PHACTR2: variants seen among roughly 807,000 people sequenced by gnomAD.
PHACTR2 encodes chromosome 6 open reading frame 56.
PHACTR2 carries 30 observed loss-of-function variants against 76.0 expected under a neutral mutation model. That is an observed-to-expected ratio of 0.39 (90% confidence interval 0.30 to 0.54). The LOEUF is 0.54. Among genes scored for constraint, PHACTR2 ranks in the 20% least tolerant of loss-of-function variants. PHACTR2 has a pLI of 0.61. For missense variants in PHACTR2, 696 were observed against 781.1 expected, an observed-to-expected ratio of 0.89 and a Z score of 1.30; for synonymous variants, 292 against 292.5, an observed-to-expected ratio of 1.00 and a Z score of 0.02.
At chr6:143,567,233 G>A (rs561704399) in intron 1 of PHACTR2, among the ~76,000 whole-genome samples, 1 of 152,158 alleles carries the variant, frequency 6.6e-6, no homozygotes, top group East Asian at 1.9e-4. Context: ...AAGTGTGTTT[G>A]GCTTTTGAAA....
chr6:143,621,778 C>T lies in PHACTR2; in HGVS notation c.13+13456C>T, dbSNP rs529807587. Among the ~76,000 whole-genome samples, 66 of 152,280 alleles carry T rather than the reference C, an allele frequency of 4.3e-4. No homozygotes were observed. The Middle Eastern group carries it at 0.014, about 31-fold the overall frequency. ...GTAACATAGATTCATTTTGCACCTA[C>T]GTGGACTTTAAATCTTTGCGAACAG... On this transcript the variant is annotated intron_variant, in intron 1 of 11. Transcript: ENST00000305766. This position sits in a 1 kb window ranked among gnomAD's most constrained non-coding sequence, Gnocchi z 4.1.
rs766958429 is a variant in PHACTR2 at position 143,755,612 on chromosome 6, C to G, written c.454+1700C>G. 3.5e-5 allele frequency: 10 copies of G among 285,086 alleles called. No individual in the cohort carries two copies. The highest frequency in any genetic ancestry group is 7.0e-5 in the Non-Finnish European group (10 of 143,432). The allele number at this position is 285,086 out of a possible 1,614,324, so 17.7% of individuals were successfully genotyped here. ...ATTAGTACATTCAATTCTTCCTTAT[C>G]TGATAAGGTCCAAGAGAGCCTGTTG... On this transcript the variant is annotated intron_variant, in intron 4 of 12. Transcript: ENST00000440869. The surrounding 1 kb of genome is among the most constrained non-coding windows in gnomAD (Gnocchi z 5.2).
chr6:143,786,782 G>A (rs573730083), intron 10 of PHACTR2, among the ~76,000 whole-genome samples: 1 of 152,064 alleles, frequency 6.6e-6, no homozygotes, highest in Non-Finnish European at 1.5e-5. Context: ...TCACTATCAC[G>A]AGAATAGCAT....
rs1777829384 is a variant in PHACTR2, at chr6:143,698,697, G to A, written c.47-13319G>A. On this transcript the variant is annotated intron_variant, in intron 1 of 12. Transcript: ENST00000440869. This position sits in a 1 kb window ranked among gnomAD's most constrained non-coding sequence, Gnocchi z 4.3. ...ACTGCAGGTCTACGTTTGGGTGGAT[G>A]GTTGTTTGACTAATGTCAGCCTCTC... Among the ~76,000 whole-genome samples, 1 of 152,214 alleles carries A rather than the reference G, an allele frequency of 6.6e-6. No individual in the cohort carries two copies. The highest frequency in any genetic ancestry group is 6.5e-5 in the Admixed American group (1 of 15,286).
At chr6:143,600,626 T>A (rs1562244913) in intron 1 of PHACTR2, among the ~76,000 whole-genome samples, 1 of 152,282 alleles carries the variant, frequency 6.6e-6, no homozygotes, top group African/African-American at 2.4e-5. Flanking sequence ...TGCAGCCATC[T>A]CCTGGAATTT....
At chr6:143,564,715 G>C (rs985572045) in intron 1 of PHACTR2, among the ~76,000 whole-genome samples, 1 of 152,126 alleles carries the variant, frequency 6.6e-6, no homozygotes, top group Non-Finnish European at 1.5e-5. Flanking sequence ...CTGGCTGATC[G>C]GACGGCAGTT....
At chr6:143,692,735 G>T (rs1216940738) in intron 1 of PHACTR2, among the ~76,000 whole-genome samples, 4 of 152,202 alleles carry the variant, frequency 2.6e-5, no homozygotes, top group Non-Finnish European at 1.5e-5. Context: ...AGTGGGCTGA[G>T]GTGGAGGTGA....
rs1339615048 is a variant in PHACTR2 at position 143,731,028 on chromosome 6, G to A, written c.215-17957G>A. Among the ~76,000 whole-genome samples the A allele has an allele frequency of 6.6e-6, 1 of 152,128 alleles. No individual in the cohort carries two copies. On this transcript the variant is annotated intron_variant, in intron 2 of 12. Transcript: ENST00000440869. This position sits in a 1 kb window ranked among gnomAD's most constrained non-coding sequence, Gnocchi z 4.9. ...CTTCAAAAGTGCTGAGATTACAGGC[G>A]TGAGCCACCACGTCCAGCCCAGTTG...
intron 1 of PHACTR2, among the ~76,000 whole-genome samples, chr6:143,669,660 T>G (rs1295482123): frequency 6.6e-6 from 1 of 152,190 alleles, no homozygotes; most frequent in Non-Finnish European, 1.5e-5. Context: ...CTTTGTTGGT[T>G]TAAAGTCTGT....
In PHACTR2 at chr6:143,698,792, A is replaced by G. The variant is rs1347938003; in HGVS notation, c.47-13224A>G. Reference sequence around the variant, plus strand: ...TGCTTACCATTGTAGCCCTTCCTCTATAATAGCTGCTCAGTTAATTGTGCA... The same window carrying G: ...TGCTTACCATTGTAGCCCTTCCTCTGTAATAGCTGCTCAGTTAATTGTGCA... On this transcript the variant is annotated intron_variant, in intron 1 of 12. Transcript: ENST00000440869. This position sits in a 1 kb window ranked among gnomAD's most constrained non-coding sequence, Gnocchi z 4.3. Among the ~76,000 whole-genome samples, 7 of 152,178 alleles carry G rather than the reference A, an allele frequency of 4.6e-5. No homozygotes were observed. The highest frequency in any genetic ancestry group is 2.0e-4 in the Admixed American group (3 of 15,276).
At chr6:143,645,560 C>T (rs1056024988) in intron 1 of PHACTR2, among the ~76,000 whole-genome samples, 21 of 152,166 alleles carry the variant, frequency 1.4e-4, no homozygotes, top group African/African-American at 4.3e-4. Flanking sequence ...AGTTGTGTGG[C>T]GCTAAAGTGT....
In PHACTR2 at chr6:143,641,501, G is replaced by GTT. The variant is rs1776560457; in HGVS notation, c.13+33180_13+33181insTT. The stretch of plus-strand genomic sequence containing the variant: ...CTGTTGTTGATTTGTTTGTTTGTTT[G>GTT]TGTGTTTGTTGTTGTTGTTTTTGAG... On this transcript the variant is annotated intron_variant, in intron 1 of 11. Coordinates refer to the PHACTR2 transcript ENST00000305766. The surrounding 1 kb of genome is among the most constrained non-coding windows in gnomAD (Gnocchi z 5.8). Among the ~76,000 whole-genome samples, 1 of 152,076 alleles carries GTT rather than the reference G, an allele frequency of 6.6e-6. No individual in the cohort carries two copies. The highest frequency in any genetic ancestry group is 6.6e-5 in the Admixed American group (1 of 15,256).
In PHACTR2 at chr6:143,677,975, C is replaced by T; in HGVS notation, c.-189C>T. 7.5e-7 allele frequency: 1 copy of T among 1,336,964 alleles called. No homozygotes were observed. Among genetic ancestry groups the T allele is most frequent in the Non-Finnish European group, 9.7e-7 (1 of 1,030,462 alleles). The allele number at this position is 1,336,964 out of a possible 1,614,324, so 82.8% of individuals were successfully genotyped here. Reference sequence around the variant, plus strand: ...AGAGGAATGACAGGCATCCGCTGGGCAGGATCCGCCGCGCCGGCTGCGGCC... The same window carrying T: ...AGAGGAATGACAGGCATCCGCTGGGTAGGATCCGCCGCGCCGGCTGCGGCC... On this transcript the variant is annotated 5_prime_UTR_variant, in exon 1 of 13. Transcript: ENST00000440869.
chr6:143,774,023 T>C lies in PHACTR2; in HGVS notation c.1433-36T>C. The C allele has an allele frequency of 1.9e-6, 3 of 1,592,688 alleles. No homozygotes were observed. Among genetic ancestry groups the C allele is most frequent in the Non-Finnish European group, 2.6e-6 (3 of 1,165,718 alleles). ...ACCTGAGTGCCACTGGCTAAAAGCC[T>C]CTCTCTCTGCATTTCTGCTCTTTTT... On this transcript the variant is annotated intron_variant, in intron 7 of 12. Transcript: ENST00000440869. This position sits in a 1 kb window ranked among gnomAD's most constrained non-coding sequence, Gnocchi z 5.4.
chr6:143,669,177 C>T lies in PHACTR2; in HGVS notation c.14-42839C>T, dbSNP rs376415490. Among the ~76,000 whole-genome samples, 20 of 152,210 alleles carry T rather than the reference C, an allele frequency of 1.3e-4. No individual in the cohort carries two copies. The East Asian group carries it at 3.3e-3, about 25-fold the overall frequency. ...GTTGTTCAGTTTCCATGTAGTTGTG[C>T]GGTTTTGAGTAAGTTTCTTAATCCT... On this transcript the variant is annotated intron_variant, in intron 1 of 11. Transcript: ENST00000305766.
chr6:143,629,601 T>A (rs1776325550), intron 1 of PHACTR2, among the ~76,000 whole-genome samples: 2 of 152,090 alleles, frequency 1.3e-5, no homozygotes, highest in South Asian at 4.1e-4. Context: ...CTAGCCACTT[T>A]ATGGAGTATG....
chr6:143,735,761 A>G (rs1415583586), intron 2 of PHACTR2, among the ~76,000 whole-genome samples: 2 of 152,200 alleles, frequency 1.3e-5, no homozygotes. Flanking sequence ...TTTCATTTCA[A>G]TTCAATGCTA....
chr6:143,706,640 A>T (rs1022198734), intron 1 of PHACTR2, among the ~76,000 whole-genome samples: 3 of 152,198 alleles, frequency 2.0e-5, no homozygotes, highest in African/African-American at 7.2e-5. Context: ...ACCCCGTGTG[A>T]TGCCACACAT....
At chr6:143,593,973 A>C (rs1402837201) in intron 1 of PHACTR2, among the ~76,000 whole-genome samples, 1 of 152,238 alleles carries the variant, frequency 6.6e-6, no homozygotes, top group African/African-American at 2.4e-5. Flanking sequence ...GTTTTTTAAA[A>C]GAATATTCCA....
Sources: allele counts gnomAD v4.1 joint callset (sites outside exome capture counted in the v4.1 genomes callset), GRCh38; gene constraint gnomAD v4.1.1; non-coding constraint Gnocchi (gnomAD v3.1); transcripts MANE v1.5; gene names NCBI Gene and HGNC (gene_info 2026-07-23, HGNC 2026-07-21).